Variants in TULP4 observed in about 807,000 individuals in gnomAD.
TULP4 encodes the protein tubby-related protein 4.
Under a neutral mutation model 129.0 loss-of-function variants are expected in TULP4, and 16 were observed. That is an observed-to-expected ratio of 0.12 (90% CI 0.08 to 0.19). The LOEUF (loss-of-function observed/expected upper bound fraction) is 0.19. TULP4 is among the 10% of genes least tolerant of loss of function. The probability of loss-of-function intolerance (pLI) is 1.00; values close to 1 mark genes in which losing one functional copy is unlikely to be tolerated. For synonymous variants in TULP4, 998 were observed against 854.0 expected, an observed-to-expected ratio of 1.17 and a Z score of -2.94; for missense variants, 1,842 against 2,059.1, an observed-to-expected ratio of 0.89 and a Z score of 2.04.
At chr6:158,254,608 C>T (rs534564022) in intron 1 of TULP4, among the ~76,000 whole-genome samples, 3 of 152,200 alleles carry the variant, frequency 2.0e-5, no homozygotes, top group African/African-American at 7.2e-5. Flanking sequence ...CCCTAGTTTA[C>T]AAAGTATTTT....
chr6:158,252,277 C>T (rs913084342), intron 1 of TULP4, among the ~76,000 whole-genome samples: 34 of 147,780 alleles, frequency 2.3e-4, no homozygotes, highest in African/African-American at 7.9e-4. Flanking sequence ...TCCATTGTTT[C>T]TACCTTGATT....
At chr6:158,504,296 C>A in intron 13 of TULP4, 118 bp downstream of exon 13, 1 of 813,284 alleles carries the variant, frequency 1.2e-6, no homozygotes, top group Non-Finnish European at 1.9e-6. Flanking sequence ...ACGAACACCT[C>A]TTAGGTGGAG....
chr6:158,425,046 C>T (rs1000338170), intron 2 of TULP4, among the ~76,000 whole-genome samples: 6 of 148,554 alleles, frequency 4.0e-5, no homozygotes, highest in African/African-American at 9.9e-5. Context: ...CGCAGCTACT[C>T]GGGAGGCTGA....
intron 9 of TULP4, 71 bp downstream of exon 9, chr6:158,489,803 A>T: frequency 6.3e-7 from 1 of 1,579,828 alleles, no homozygotes; most frequent in Non-Finnish European, 8.6e-7. Context: ...CTGCAACAGA[A>T]TCGCATTGAA....
chr6:158,318,164 A>G (rs1042920465), intron 1 of TULP4, among the ~76,000 whole-genome samples: 5 of 152,048 alleles, frequency 3.3e-5, no homozygotes, highest in Non-Finnish European at 7.4e-5. Context: ...CTCATATTAG[A>G]ATCTGTTCCA....
At chr6:158,244,905 C>G (rs1054821699) in intron 1 of TULP4, among the ~76,000 whole-genome samples, 8 of 152,076 alleles carry the variant, frequency 5.3e-5, no homozygotes, top group Admixed American at 1.3e-4. Context: ...GTTGTTTAAG[C>G]CACTCAGTTT....
intron 1 of TULP4, among the ~76,000 whole-genome samples, chr6:158,318,611 A>T (rs2128485581): frequency 6.6e-6 from 1 of 152,340 alleles, no homozygotes; most frequent in East Asian, 1.9e-4. Context: ...ACTGGAATCT[A>T]GGGGTCTAAC....
At position 158,339,320 on chromosome 6, in the gene TULP4, TCACAAGG is replaced by T. The variant is rs374075379; in HGVS notation, c.252+25055_252+25061del. Among the ~76,000 whole-genome samples the T allele has an allele frequency of 2.1e-3, 319 of 152,094 alleles. 1 individual carries two copies. The highest frequency in any genetic ancestry group is 7.1e-3 in the African/African-American group (296 of 41,458). On this transcript the variant is annotated intron_variant, in intron 1 of 13. Transcript: ENST00000367097. ...CACATGCTTCAAGGGCGACAAAAGA[TCACAAGG>T]CAGAAGGTCAGGGCGGGATCACAAG...
At chr6:158,349,108 C>T (rs1780409681) in intron 1 of TULP4, among the ~76,000 whole-genome samples, 1 of 146,228 alleles carries the variant, frequency 6.8e-6, no homozygotes. Context: ...GGCAGCCGGG[C>T]AGAGGCGCTC....
chr6:158,303,487 A>G (rs1779163064), intron 1 of TULP4, among the ~76,000 whole-genome samples: 2 of 152,200 alleles, frequency 1.3e-5, no homozygotes, highest in Admixed American at 6.5e-5. Flanking sequence ...CGTAACTACT[A>G]ATAAGGGTCT....
chr6:158,468,270 T>C (rs900438006), intron 6 of TULP4, among the ~76,000 whole-genome samples: 1 of 152,226 alleles, frequency 6.6e-6, no homozygotes. Context: ...ACAAGCTAGG[T>C]AGGTAAACTA....
chr6:158,239,652 C>T (rs1777814093), intron 1 of TULP4, among the ~76,000 whole-genome samples: 2 of 72,404 alleles, frequency 2.8e-5, no homozygotes, highest in African/African-American at 4.6e-5. Flanking sequence ...ACCCCCCCAC[C>T]TCCCTCCCGG....
At chr6:158,351,155 C>CAATAAACAATTTTATA (rs1780508801) in intron 1 of TULP4, among the ~76,000 whole-genome samples, 1 of 152,118 alleles carries the variant, frequency 6.6e-6, no homozygotes, top group Non-Finnish European at 1.5e-5. Context: ...ATGGATGGTC[C>CAATAAACAATTTTATA]TGAGTTATAC....
chr6:158,493,813 C>T lies in TULP4; in HGVS notation c.1776+96C>T, dbSNP rs1780269328. 3 of 1,354,222 alleles carry T rather than the reference C, an allele frequency of 2.2e-6. No homozygotes were observed. The highest frequency in any genetic ancestry group is 2.9e-6 in the Non-Finnish European group (3 of 1,020,938). The allele number at this position is 1,354,222 out of a possible 1,614,324, so 83.9% of individuals were successfully genotyped here. A position where few individuals can be genotyped will look rare whatever the true frequency, so the allele number is the denominator to read the frequency against. The stretch of plus-strand genomic sequence containing the variant: ...CCGCCGCCTGCACTGCTCACTGCCA[C>T]CATGGGTCCCTGAGCTCTGCTCCAC... On this transcript the variant is annotated intron_variant, in intron 10 of 13. Coordinates refer to ENST00000367097, the MANE Select transcript of TULP4 (RefSeq NM_020245.5). This position sits in a 1 kb window ranked among gnomAD's most constrained non-coding sequence, Gnocchi z 4.4.
intron 1 of TULP4, among the ~76,000 whole-genome samples, chr6:158,248,093 T>C (rs1379083402): frequency 1.3e-5 from 2 of 152,190 alleles, no homozygotes; most frequent in Non-Finnish European, 2.9e-5. Flanking sequence ...AGTTGTTAAA[T>C]AATCAGAGAA....
intron 2 of TULP4, among the ~76,000 whole-genome samples, chr6:158,417,221 C>G (rs1778229856): frequency 6.6e-6 from 1 of 152,172 alleles, no homozygotes; most frequent in Admixed American, 6.5e-5. Flanking sequence ...GAGCAGGGGC[C>G]CTCTATCATC....
At chr6:158,482,658 C>T (rs1019539777) in intron 8 of TULP4, among the ~76,000 whole-genome samples, 9 of 152,116 alleles carry the variant, frequency 5.9e-5, no homozygotes, top group African/African-American at 1.2e-4. Context: ...GGGTGGGGGC[C>T]GTGGGACAGG....
upstream of TULP4, among the ~76,000 whole-genome samples, chr6:158,279,184 C>T (rs962238726): frequency 2.0e-5 from 3 of 151,978 alleles, no homozygotes; most frequent in East Asian, 3.9e-4. Flanking sequence ...CCTCGTGATC[C>T]GCCTGCCTCG....
At chr6:158,236,811 T>A (rs1318594399) in intron 1 of TULP4, among the ~76,000 whole-genome samples, 12 of 106,882 alleles carry the variant, frequency 1.1e-4, no homozygotes, top group African/African-American at 4.0e-4. Context: ...TTTTTTTTTT[T>A]TTTTTTTTTT....
Sources: allele counts gnomAD v4.1 joint callset (sites outside exome capture counted in the v4.1 genomes callset), GRCh38; gene constraint gnomAD v4.1.1; non-coding constraint Gnocchi (gnomAD v3.1); transcripts MANE v1.5; gene names NCBI Gene and HGNC (gene_info 2026-07-23, HGNC 2026-07-21).